COL24A1: variants seen among roughly 807,000 people sequenced by gnomAD.
COL24A1 encodes collagen type XXIV alpha 1 chain, also known as collagen alpha-1(XXIV) chain.
In COL24A1, 224 loss-of-function variants were observed where a neutral mutation model predicts 253.9. That is an observed-to-expected ratio of 0.88 (90% CI 0.79 to 0.99). The LOEUF (loss-of-function observed/expected upper bound fraction) is 0.99, where lower values mean the gene tolerates loss of function less well. COL24A1 is among the 50% of genes least tolerant of loss of function. The pLI is 0.00. For synonymous variants in COL24A1, 685 were observed against 673.7 expected (o/e 1.02, Z -0.26); for missense variants, 2,131 against 2,068.5 (o/e 1.03, Z -0.59).
intron 24 of COL24A1, among the ~76,000 whole-genome samples, chr1:85,921,457 T>C (rs1445257929): frequency 6.6e-6 from 1 of 152,112 alleles, no homozygotes; most frequent in Non-Finnish European, 1.5e-5. Context: ...CCCTCTGGGA[T>C]GAAGCTTCCA....
At chr1:86,051,648 G>A (rs543244905) in intron 10 of COL24A1, among the ~76,000 whole-genome samples, 2 of 152,072 alleles carry the variant, frequency 1.3e-5, no homozygotes, top group South Asian at 4.2e-4. Context: ...TTTACACTGT[G>A]AGTCATTAAA....
chr1:85,742,130 CT>C (rs1371629032), intron 57 of COL24A1, among the ~76,000 whole-genome samples: 2 of 32,030 alleles, frequency 6.2e-5, no homozygotes, highest in Admixed American at 2.3e-4. Flanking sequence ...GACCTCATTT[CT>C]TTTTTCTTTT....
rs531460271 is a variant in COL24A1 at position 86,089,253 on chromosome 1, T to C, written c.1654-26A>G. The C allele has an allele frequency of 1.2e-5, 18 of 1,546,270 alleles. 1 individual carries two copies. In the South Asian group the frequency reaches 1.3e-4, roughly 12 times the overall value. On this transcript the variant is annotated intron_variant, in intron 6 of 59. Transcript: ENST00000370571. ...CTATAAACAAAATACAGACGTTTAA[T>C]GTCATGAAAGAGAACTGAAAATTAG...
At chr1:85,730,788 G>A in intron 59 of COL24A1, 96 bp from the exon 60 acceptor site, 1 of 1,294,266 alleles carries the variant, frequency 7.7e-7, no homozygotes, top group Non-Finnish European at 1.1e-6. Context: ...TTGTTTTAAG[G>A]ATTAGAGATA....
At chr1:86,103,554 T>A (rs973690138) in intron 5 of COL24A1, among the ~76,000 whole-genome samples, 8 of 152,166 alleles carry the variant, frequency 5.3e-5, no homozygotes, top group African/African-American at 1.9e-4. Context: ...CTTCAGGAGC[T>A]CTTGTAAGGC....
intron 19 of COL24A1, among the ~76,000 whole-genome samples, chr1:86,004,543 C>T (rs1461367658): frequency 1.3e-5 from 2 of 151,882 alleles, no homozygotes; most frequent in Non-Finnish European, 2.9e-5. Context: ...GGTGTACTAC[C>T]CTTTAGAACA....
intron 14 of COL24A1, among the ~76,000 whole-genome samples, chr1:86,026,909 G>T (rs74586485): frequency 0.087 from 13,202 of 152,114 alleles, 703 homozygotes; most frequent in Middle Eastern, 0.19. Context: ...GTGGTCTCAG[G>T]GTAAGATGAA....
intron 22 of COL24A1, among the ~76,000 whole-genome samples, chr1:85,969,729 C>A (rs928650965): frequency 6.7e-6 from 1 of 149,282 alleles, no homozygotes; most frequent in African/African-American, 2.5e-5. Flanking sequence ...AACACATATA[C>A]CTTAATTATT....
intron 34 of COL24A1, 123 bp downstream of exon 34, chr1:85,875,154 T>C: frequency 1.2e-6 from 1 of 800,776 alleles, no homozygotes; most frequent in Non-Finnish European, 2.0e-6. Flanking sequence ...AAACATTTCC[T>C]GTTTTTATCT....
At chr1:85,988,521 T>C (rs967099776) in intron 19 of COL24A1, among the ~76,000 whole-genome samples, 45 of 152,074 alleles carry the variant, frequency 3.0e-4, no homozygotes, top group African/African-American at 9.7e-4. Flanking sequence ...ATAATTGTAA[T>C]AAGCTAGTAA....
Position 86,088,093 on chromosome 1 carries a change from C to T in COL24A1, c.1707+1081G>A, listed in dbSNP as rs113978659. ...TTAAGGGCTGACAATTTATGTGACA[C>T]GGTGTTGCAAGGATTATCTCATTCT... On this transcript the variant is annotated intron_variant, in intron 7 of 59. Coordinates refer to ENST00000370571, the MANE Select transcript of COL24A1 (RefSeq NM_152890.7). 6.5e-3 allele frequency among the ~76,000 whole-genome samples: 984 copies of T among 152,292 alleles called. 11 individuals carry two copies. Among genetic ancestry groups the T allele is most frequent in the African/African-American group, 0.022 (931 of 41,556 alleles).
chr1:85,824,973 G>A (rs1452589271), intron 43 of COL24A1, among the ~76,000 whole-genome samples: 1 of 150,718 alleles, frequency 6.6e-6, no homozygotes, highest in African/African-American at 2.4e-5. Context: ...TGCACAATGT[G>A]CAGGTTAGTT....
At chr1:85,875,013 G>A (rs1680974615) in intron 34 of COL24A1, among the ~76,000 whole-genome samples, 1 of 152,160 alleles carries the variant, frequency 6.6e-6, no homozygotes, top group African/African-American at 2.4e-5. Flanking sequence ...GATGATCCGA[G>A]GTAGGACAGT....
chr1:86,096,776 CT>C (rs1703920322), intron 5 of COL24A1, among the ~76,000 whole-genome samples: 1 of 152,212 alleles, frequency 6.6e-6, no homozygotes, highest in South Asian at 2.1e-4. Context: ...ACAAACTTCA[CT>C]TTAAATTCAT....
intron 43 of COL24A1, among the ~76,000 whole-genome samples, chr1:85,836,970 C>G (rs969546858): frequency 6.6e-6 from 1 of 152,128 alleles, no homozygotes; most frequent in Non-Finnish European, 1.5e-5. Context: ...GGTAAATATA[C>G]TGATTTAGCT....
Position 85,909,937 on chromosome 1 carries a change from A to C in COL24A1, c.2670+13T>G, listed in dbSNP as rs902818683. On this transcript the variant is annotated intron_variant, in intron 26 of 59. Coordinates refer to ENST00000370571, the MANE Select transcript of COL24A1 (RefSeq NM_152890.7). The stretch of plus-strand genomic sequence containing the variant: ...TCTTTGGAAACATATTTTTCAAATC[A>C]CTGAGCTCTTACCATAACACCTTTT... 27 of 1,604,308 alleles carry C rather than the reference A, an allele frequency of 1.7e-5. No homozygotes were observed. Among genetic ancestry groups the C allele is most frequent in the Non-Finnish European group, 2.3e-5 (27 of 1,171,734 alleles).
rs1699300203 is a variant in COL24A1, at chr1:86,039,543, T to C, written c.1951-5620A>G. On this transcript the variant is annotated intron_variant, in intron 12 of 59. Transcript: ENST00000370571. ...AATACAAAAACCCTTCTGGAGAACA[T>C]ATTTTGTTCTTTCTAGAGGAAGGTT... is the stretch of plus-strand genomic sequence containing the variant. 3.3e-5 allele frequency among the ~76,000 whole-genome samples: 5 copies of C among 152,296 alleles called. 1 individual carries two copies. The South Asian group carries it at 1.0e-3, about 32-fold the overall frequency.
At chr1:85,868,425 A>T in intron 37 of COL24A1, 94 bp downstream of exon 37, 2 of 784,618 alleles carry the variant, frequency 2.5e-6, no homozygotes, top group Non-Finnish European at 2.1e-6. Flanking sequence ...CACTGGATAT[A>T]TAAGGAGGTC....
intron 55 of COL24A1, among the ~76,000 whole-genome samples, chr1:85,748,337 C>T (rs79808894): frequency 0.042 from 6,359 of 152,270 alleles, 481 homozygotes; most frequent in African/African-American, 0.14. Context: ...GAAGCAATCA[C>T]TACAGTGTGC....
Sources: allele counts gnomAD v4.1 joint callset (sites outside exome capture counted in the v4.1 genomes callset), GRCh38; gene constraint gnomAD v4.1.1; transcripts MANE v1.5; gene names NCBI Gene and HGNC (gene_info 2026-07-23, HGNC 2026-07-21).